The following GPC6 variants were observed in gnomAD, a reference collection of about 807,000 sequenced individuals.
GPC6 encodes the protein glypican 6.
A neutral mutation model predicts 55.2 loss-of-function variants in GPC6; 14 were observed. The ratio of observed to expected loss-of-function variants is 0.25; its 90% CI spans 0.17 to 0.40. The LOEUF (loss-of-function observed/expected upper bound fraction) is 0.40, where lower values mean the gene tolerates loss of function less well. Ranked by LOEUF, GPC6 falls within the 10% of genes least tolerant of loss-of-function variation. The pLI is 1.00. For synonymous variants in GPC6, 278 were observed against 259.6 expected, an observed-to-expected ratio of 1.07 and a Z score of -0.68; for missense variants, 641 against 708.5, an observed-to-expected ratio of 0.90 and a Z score of 1.08.
At chr13:93,488,293 GTGAA>G (rs1008566428) in intron 1 of GPC6, among the ~76,000 whole-genome samples, 2 of 152,132 alleles carry the variant, frequency 1.3e-5, no homozygotes, top group Non-Finnish European at 2.9e-5. Context: ...TACAAAGGAT[GTGAA>G]CTCATCCTTC....
At chr13:93,252,615 T>C (rs1876824179) in intron 1 of GPC6, among the ~76,000 whole-genome samples, 1 of 152,222 alleles carries the variant, frequency 6.6e-6, no homozygotes, top group African/African-American at 2.4e-5. Flanking sequence ...AGGTAACTAA[T>C]CCACTTCTAC....
intron 3 of GPC6, among the ~76,000 whole-genome samples, chr13:93,855,422 A>G (rs1372792446): frequency 4.6e-5 from 7 of 151,712 alleles, no homozygotes. Context: ...TTATTTATCC[A>G]TTCATCTACG....
At chr13:93,813,663 A>G (rs1476636634) in intron 2 of GPC6, among the ~76,000 whole-genome samples, 1 of 152,062 alleles carries the variant, frequency 6.6e-6, no homozygotes, top group Non-Finnish European at 1.5e-5. Context: ...TAAAATAAAT[A>G]AAGTATTGGT....
chr13:93,955,779 A>G (rs77359783), intron 3 of GPC6, among the ~76,000 whole-genome samples: 2,806 of 152,306 alleles, frequency 0.018, 100 homozygotes, highest in African/African-American at 0.064. Context: ...CAAAGCAATA[A>G]ACCTTACTTT....
intron 1 of GPC6, among the ~76,000 whole-genome samples, chr13:93,454,776 C>G (rs543758363): frequency 6.6e-6 from 1 of 152,258 alleles, no homozygotes; most frequent in East Asian, 1.9e-4. Context: ...CAGTCCCGCG[C>G]CCTGCGCCTG....
At chr13:94,287,131 C>T (rs1485741789) in intron 5 of GPC6, among the ~76,000 whole-genome samples, 3 of 151,986 alleles carry the variant, frequency 2.0e-5, no homozygotes, top group Admixed American at 2.0e-4. Context: ...ACAGGACCCG[C>T]CTTAAGCAAA....
At chr13:93,757,279 G>A (rs528018821) in intron 2 of GPC6, among the ~76,000 whole-genome samples, 2 of 152,144 alleles carry the variant, frequency 1.3e-5, no homozygotes, top group Non-Finnish European at 2.9e-5. Flanking sequence ...AATTCACAGT[G>A]GGAATGGGAG....
At chr13:93,943,733 C>T (rs1161021440) in intron 3 of GPC6, among the ~76,000 whole-genome samples, 1 of 152,134 alleles carries the variant, frequency 6.6e-6, no homozygotes, top group Non-Finnish European at 1.5e-5. Context: ...CTCACTGTTT[C>T]TACCTGTTCT....
At chr13:93,994,796 G>A (rs914405154) in intron 3 of GPC6, among the ~76,000 whole-genome samples, 19 of 152,098 alleles carry the variant, frequency 1.2e-4, no homozygotes, top group African/African-American at 4.3e-4. Context: ...TATCCAGTAC[G>A]ATTTTTAAAT....
chr13:93,507,158 G>A (rs1373513538), intron 1 of GPC6, among the ~76,000 whole-genome samples: 2 of 148,674 alleles, frequency 1.3e-5, no homozygotes, highest in Non-Finnish European at 3.0e-5. Context: ...GCATCCCTGT[G>A]AAAGATAAAC....
At chr13:93,617,726 A>G (rs1878784151) in intron 2 of GPC6, among the ~76,000 whole-genome samples, 1 of 152,108 alleles carries the variant, frequency 6.6e-6, no homozygotes, top group African/African-American at 2.4e-5. Flanking sequence ...TGATAAGCTT[A>G]TGGGCCATTT....
rs963128876 is a variant in GPC6, at chr13:93,247,005, C to CT, written c.160+19400dup. ...GGTAATTTGTTCTCTTTTTTCTTTT[C>CT]TTTTTTTTTTTACAGCCAAATATTT... On this transcript the variant is annotated intron_variant, in intron 1 of 8. Transcript: ENST00000377047. Among the ~76,000 whole-genome samples, 337 of 140,772 alleles carry CT rather than the reference C, an allele frequency of 2.4e-3. 1 individual carries two copies. Among genetic ancestry groups the CT allele is most frequent in the East Asian group, 0.016 (77 of 4,916 alleles). The allele number at this position is 140,772 out of a possible 152,430, so 92.4% of individuals were successfully genotyped here. A position where few individuals can be genotyped will look rare whatever the true frequency, so the allele number is the denominator to read the frequency against.
intron 1 of GPC6, among the ~76,000 whole-genome samples, chr13:93,510,713 C>T (rs773178870): frequency 9.2e-5 from 14 of 151,432 alleles, no homozygotes; most frequent in Non-Finnish European, 1.8e-4. Flanking sequence ...TTGTGTTTGT[C>T]GTTTTTTGAA....
chr13:93,843,621 A>G (rs1358499131), intron 3 of GPC6, among the ~76,000 whole-genome samples: 1 of 152,188 alleles, frequency 6.6e-6, no homozygotes, highest in Non-Finnish European at 1.5e-5. Flanking sequence ...ATTTCAAGCA[A>G]TGTTTTTAAA....
At chr13:93,659,226 T>A (rs75238699) in intron 2 of GPC6, among the ~76,000 whole-genome samples, 3,618 of 152,066 alleles carry the variant, frequency 0.024, 70 homozygotes, top group Non-Finnish European at 0.037. Context: ...TTTGGTCTTC[T>A]CTTTTTGTGG....
intron 3 of GPC6, among the ~76,000 whole-genome samples, chr13:93,997,803 C>T (rs1478168270): frequency 4.6e-5 from 7 of 152,116 alleles, no homozygotes; most frequent in Admixed American, 4.6e-4. Context: ...TGATAAATGA[C>T]AGATTCTAAA....
chr13:93,411,452 T>C lies in GPC6; in HGVS notation c.161-133811T>C, dbSNP rs558839822. Among the ~76,000 whole-genome samples the C allele has an allele frequency of 5.9e-5, 9 of 152,294 alleles. No homozygotes were observed. The South Asian group carries it at 1.9e-3, about 32-fold the overall frequency. On this transcript the variant is annotated intron_variant, in intron 1 of 8. Coordinates refer to ENST00000377047, the MANE Select transcript of GPC6 (RefSeq NM_005708.5). ...GGAGCAGAGAGTGAAATTTTTCAAA[T>C]GTTGATTGAGAAAGAACCACTTAGT...
At chr13:93,365,559 A>C (rs180845556) in intron 1 of GPC6, among the ~76,000 whole-genome samples, 3 of 152,216 alleles carry the variant, frequency 2.0e-5, no homozygotes, top group Admixed American at 2.0e-4. Flanking sequence ...TTGATTCCCA[A>C]CAATGAAACT....
intron 2 of GPC6, among the ~76,000 whole-genome samples, chr13:93,640,596 A>T (rs1283362399): frequency 6.6e-6 from 1 of 152,050 alleles, no homozygotes; most frequent in Non-Finnish European, 1.5e-5. Flanking sequence ...AAGAAATGGA[A>T]GCTGAGGCAC....
Sources: gnomAD v4.1 joint callset for allele counts (sites outside exome capture counted in the v4.1 genomes callset) on GRCh38, gnomAD v4.1.1 for gene constraint, MANE v1.5 for transcripts, NCBI Gene and HGNC (gene_info 2026-07-23, HGNC 2026-07-21) for gene names.